Variants in CEP43 observed in about 807,000 individuals in gnomAD.
The protein encoded by CEP43 is FGFR1 oncogene partner.
CEP43 carries 36 observed loss-of-function variants against 52.6 expected under a neutral mutation model. That is an observed-to-expected ratio of 0.68 (90% CI 0.52 to 0.90). CEP43 has a LOEUF of 0.90. Ranked by LOEUF, CEP43 falls within the 40% of genes least tolerant of loss-of-function variation. The pLI is 0.00. For missense variants in CEP43, 506 were observed against 472.8 expected, an observed-to-expected ratio of 1.07 and a Z score of -0.65; for synonymous variants, 192 against 172.4, an observed-to-expected ratio of 1.11 and a Z score of -0.89.
Position 167,003,199 on chromosome 6 carries a change from A to G in CEP43, c.163A>G (p.Thr55Ala). The G allele has an allele frequency of 2.8e-6, 4 of 1,450,866 alleles. No homozygotes were observed. Among genetic ancestry groups the G allele is most frequent in the South Asian group, 1.3e-5 (1 of 76,792 alleles). 89.9% of individuals were successfully genotyped at this position (1,450,866 alleles called of 1,614,324 possible). Reference protein sequence around the residue: ...LEEQEKVENKTPLVNESLKKF... With the variant: ...LEEQEKVENKAPLVNESLKKF... Reference sequence around the variant, plus strand: ...ATTTTTTTTTTTTTAACAGAACAAAACTCCTTTAGTTAATGAGAGCCTGAA... The same window carrying G: ...ATTTTTTTTTTTTTAACAGAACAAAGCTCCTTTAGTTAATGAGAGCCTGAA... Residue 55 changes from threonine (T) to alanine (A), a missense_variant, in exon 3 of 13, where the codon ACT becomes GCT. Transcript: ENST00000366847.
chr6:167,028,891 A>T (rs1780408656), intron 10 of CEP43, among the ~76,000 whole-genome samples: 1 of 152,252 alleles, frequency 6.6e-6, no homozygotes, highest in Non-Finnish European at 1.5e-5. Context: ...GCTTTAGAGC[A>T]CCATCTATTT....
At chr6:167,024,591 G>A (rs986811674) in intron 8 of CEP43, among the ~76,000 whole-genome samples, 191 bp from the exon 9 acceptor site, 30 of 152,158 alleles carry the variant, frequency 2.0e-4, no homozygotes, top group African/African-American at 5.8e-4. Context: ...TGGCTGTGCC[G>A]ATTGTGGTTG....
At chr6:167,009,665 C>CA (rs562641835) in intron 5 of CEP43, among the ~76,000 whole-genome samples, 6,929 of 66,426 alleles carry the variant, frequency 0.1, 323 homozygotes, top group East Asian at 0.22. Flanking sequence ...AACTCCGTCT[C>CA]AAAAAAAAAA....
At chr6:167,000,008 T>C in intron 1 of CEP43, 52 bp from the exon 2 acceptor site, 1 of 1,477,358 alleles carries the variant, frequency 6.8e-7, no homozygotes, top group South Asian at 1.2e-5. Flanking sequence ...GTGAGCTTGT[T>C]GTGAAAATTG....
chr6:167,010,802 A>G lies in CEP43; in HGVS notation c.439-11A>G. On this transcript the variant is annotated splice_polypyrimidine_tract_variant and intron_variant, in intron 5 of 12. Coordinates refer to ENST00000366847, the MANE Select transcript of CEP43 (RefSeq NM_007045.4). ...TTAAATGTATTTTAATTTTAAACTA[A>G]AATATTTTAGGGTGCACTTGATCTA... The G allele has an allele frequency of 7.0e-7, 1 of 1,437,894 alleles. No homozygotes were observed. The highest frequency in any genetic ancestry group is 9.3e-7 in the Non-Finnish European group (1 of 1,073,354). The allele number at this position is 1,437,894 out of a possible 1,614,324, so 89.1% of individuals were successfully genotyped here.
intron 8 of CEP43, among the ~76,000 whole-genome samples, chr6:167,024,483 T>C (rs1329897268): frequency 6.6e-6 from 1 of 152,064 alleles, no homozygotes; most frequent in African/African-American, 2.4e-5. Flanking sequence ...CATGTCTGGG[T>C]AATGGAAAAG....
At chr6:167,030,060 T>C (rs1336124126) in intron 10 of CEP43, among the ~76,000 whole-genome samples, 1 of 152,198 alleles carries the variant, frequency 6.6e-6, no homozygotes, top group Admixed American at 6.5e-5. Context: ...TTTCACTTCT[T>C]TTGTGGATCT....
intron 7 of CEP43, among the ~76,000 whole-genome samples, chr6:167,017,275 G>A (rs1736953344): frequency 1.3e-5 from 2 of 152,102 alleles, no homozygotes; most frequent in Non-Finnish European, 2.9e-5. Context: ...GATTACAGGT[G>A]TGAGCCACCG....
intron 2 of CEP43, among the ~76,000 whole-genome samples, chr6:167,002,013 CT>C (rs1562521963): frequency 6.6e-6 from 1 of 152,130 alleles, no homozygotes; most frequent in African/African-American, 2.4e-5. Context: ...CTCTCCTTGT[CT>C]TTTATTTTAA....
At chr6:167,037,358 A>T (rs913162230) in intron 12 of CEP43, among the ~76,000 whole-genome samples, 1 of 88,896 alleles carries the variant, frequency 1.1e-5, no homozygotes, top group Non-Finnish European at 3.6e-5. Flanking sequence ...TTAATATAAC[A>T]CTCAATTACT....
intron 2 of CEP43, among the ~76,000 whole-genome samples, chr6:167,002,623 A>G (rs982220236): frequency 2.0e-5 from 3 of 152,230 alleles, no homozygotes; most frequent in Admixed American, 2.0e-4. Context: ...GCAGCAATTA[A>G]TGTGGTCTTA....
chr6:167,031,184 G>A (rs911265107), intron 10 of CEP43, among the ~76,000 whole-genome samples: 4 of 152,190 alleles, frequency 2.6e-5, no homozygotes, highest in African/African-American at 4.8e-5. Context: ...GGCCTCCCAA[G>A]TAGCTGGATT....
intron 9 of CEP43, 68 bp from the exon 10 acceptor site, chr6:167,026,479 A>T (rs1159131367): frequency 5.0e-6 from 5 of 1,004,640 alleles, no homozygotes; most frequent in Non-Finnish European, 7.9e-6. Context: ...CAACGACAAA[A>T]ATTGATGTGG....
intron 7 of CEP43, among the ~76,000 whole-genome samples, chr6:167,018,493 C>T (rs1221916721): frequency 2.6e-5 from 4 of 152,040 alleles, no homozygotes; most frequent in African/African-American, 9.7e-5. Flanking sequence ...CTGGTTCAAG[C>T]GATTCTCCTG....
At chr6:167,020,237 A>G (rs1200867167) in intron 7 of CEP43, among the ~76,000 whole-genome samples, 1 of 152,192 alleles carries the variant, frequency 6.6e-6, no homozygotes, top group Non-Finnish European at 1.5e-5. Flanking sequence ...ATTTTTTCAG[A>G]CATCTCTTTA....
Position 167,030,219 on chromosome 6 carries a change from C to T in CEP43, c.989-2384C>T, listed in dbSNP as rs1780437644. ...ATCCAGTTAGCTTTCTTTAAATCCACATTGCAGCCACAGCCGTCCTCGCTG... is the reference window on the plus strand; with the variant it reads ...ATCCAGTTAGCTTTCTTTAAATCCATATTGCAGCCACAGCCGTCCTCGCTG... On this transcript the variant is annotated intron_variant, in intron 10 of 12. Transcript: ENST00000366847. Among the ~76,000 whole-genome samples the T allele has an allele frequency of 2.6e-5, 4 of 152,208 alleles. 1 individual carries two copies. The South Asian group carries it at 8.3e-4, about 32-fold the overall frequency.
At chr6:167,025,494 G>A (rs760107610) in intron 9 of CEP43, among the ~76,000 whole-genome samples, 4 of 152,204 alleles carry the variant, frequency 2.6e-5, no homozygotes, top group Non-Finnish European at 2.9e-5. Flanking sequence ...TTTGGAAACC[G>A]TATCATAGTA....
chr6:167,020,000 T>G (rs987063217), intron 7 of CEP43, among the ~76,000 whole-genome samples: 1 of 152,274 alleles, frequency 6.6e-6, no homozygotes, highest in Non-Finnish European at 1.5e-5. Flanking sequence ...ATTGTACATA[T>G]GTTTAAATAT....
chr6:167,018,729 A>G (rs75826356), intron 7 of CEP43, among the ~76,000 whole-genome samples: 181 of 152,270 alleles, frequency 1.2e-3, no homozygotes, highest in Non-Finnish European at 2.1e-3. Context: ...TTTAAACAAT[A>G]CTTAACCTTA....
Sources: allele counts gnomAD v4.1 joint callset (sites outside exome capture counted in the v4.1 genomes callset), GRCh38; gene constraint gnomAD v4.1.1; transcripts MANE v1.5; gene names NCBI Gene and HGNC (gene_info 2026-07-23, HGNC 2026-07-21).